The following DCLK1 variants were observed in gnomAD, a reference collection of about 807,000 sequenced individuals.
DCLK1 encodes the protein serine/threonine-protein kinase DCLK1.
In DCLK1, 16 loss-of-function variants were observed where a neutral mutation model predicts 86.2. The observed-to-expected ratio is 0.19, with a 90% confidence interval of 0.13 to 0.28. The LOEUF (loss-of-function observed/expected upper bound fraction) is 0.28. Ranked by LOEUF, DCLK1 falls within the 10% of genes least tolerant of loss-of-function variation. The pLI is 1.00. For missense variants in DCLK1, 590 were observed against 940.2 expected (o/e 0.63, Z 4.87); for synonymous variants, 369 against 370.5 (o/e 1.00, Z 0.05).
chr13:36,064,176 C>A (rs1883660807), intron 3 of DCLK1, among the ~76,000 whole-genome samples: 1 of 152,168 alleles, frequency 6.6e-6, no homozygotes, highest in African/African-American at 2.4e-5. Flanking sequence ...TTGAATTTAA[C>A]ACATCAGGCA....
intron 16 of DCLK1, among the ~76,000 whole-genome samples, 177 bp from the exon 17 acceptor site, chr13:35,774,876 C>G (rs1341434350): frequency 6.6e-6 from 1 of 152,160 alleles, no homozygotes; most frequent in Non-Finnish European, 1.5e-5. Flanking sequence ...CCCCACAAAT[C>G]CAGGTCTTTA....
chr13:35,948,699 A>T (rs900439296), intron 3 of DCLK1, among the ~76,000 whole-genome samples: 2 of 152,196 alleles, frequency 1.3e-5, no homozygotes, highest in African/African-American at 4.8e-5. Context: ...TTTAAAATGG[A>T]ATTTCTATAA....
At chr13:35,797,365 C>A (rs552658494) in intron 15 of DCLK1, among the ~76,000 whole-genome samples, 1 of 152,336 alleles carries the variant, frequency 6.6e-6, no homozygotes, top group African/African-American at 2.4e-5. Context: ...TAGGAGTTTG[C>A]TCTCCAGCCA....
Position 35,966,933 on chromosome 13 carries a change from A to G in DCLK1, c.724-19476T>C, listed in dbSNP as rs377174302. On this transcript the variant is annotated intron_variant, in intron 3 of 16. Coordinates refer to ENST00000360631, the MANE Select transcript of DCLK1 (RefSeq NM_001330071.2). ...CCTCTGCCCGGCCGCCACCCCGTCT[A>G]GGAAGTGAGGAGCGTCTCTGCCTGG... Among the ~76,000 whole-genome samples, 900 of 149,344 alleles carry G rather than the reference A, an allele frequency of 6.0e-3. 15 individuals carry two copies. The highest frequency in any genetic ancestry group is 0.021 in the African/African-American group (860 of 40,560).
At chr13:36,120,481 T>C (rs1885947168) in intron 2 of DCLK1, among the ~76,000 whole-genome samples, 1 of 152,150 alleles carries the variant, frequency 6.6e-6, no homozygotes, top group South Asian at 2.1e-4. Context: ...CTATACCATA[T>C]AGCCTAGGTG....
At chr13:36,064,391 C>T (rs1005505033) in intron 3 of DCLK1, among the ~76,000 whole-genome samples, 1 of 151,998 alleles carries the variant, frequency 6.6e-6, no homozygotes, top group Non-Finnish European at 1.5e-5. Flanking sequence ...GTGGGCGTGG[C>T]GGCTCATGCC....
chr13:36,058,955 T>C (rs1265570198), intron 3 of DCLK1, among the ~76,000 whole-genome samples: 2 of 152,194 alleles, frequency 1.3e-5, no homozygotes, highest in Non-Finnish European at 2.9e-5. Context: ...CAATTGACAT[T>C]CGTGGCCAAA....
intron 5 of DCLK1, chr13:35,855,594 A>G: frequency 6.4e-7 from 1 of 1,561,114 alleles, no homozygotes; most frequent in South Asian, 1.2e-5. Context: ...TAAGCCAAGC[A>G]CCCGCGGAAA....
intron 1 of DCLK1, 58 bp downstream of exon 1, chr13:36,131,056 G>C (rs1376572178): frequency 6.7e-6 from 1 of 150,206 alleles, no homozygotes; most frequent in Non-Finnish European, 1.5e-5. Context: ...CGGGCTCTGC[G>C]GAGTCCCCCG....
intron 3 of DCLK1, among the ~76,000 whole-genome samples, chr13:36,098,517 T>C (rs1191707139): frequency 6.6e-6 from 1 of 152,194 alleles, no homozygotes; most frequent in Non-Finnish European, 1.5e-5. Context: ...GAGAGAGATT[T>C]GCAATTATTT....
intron 6 of DCLK1, among the ~76,000 whole-genome samples, chr13:35,839,784 C>A (rs974271733): frequency 2.1e-4 from 12 of 57,568 alleles, no homozygotes; most frequent in Admixed American, 8.3e-4. Flanking sequence ...AAAGCCTAGG[C>A]CTTGTAATTT....
chr13:36,059,019 A>C (rs1883439487), intron 3 of DCLK1, among the ~76,000 whole-genome samples: 1 of 152,174 alleles, frequency 6.6e-6, no homozygotes. Context: ...AAAAAATTCC[A>C]CCTGCAAAAC....
chr13:36,056,893 C>CAAAAAA (rs766434117), intron 3 of DCLK1, among the ~76,000 whole-genome samples: 31 of 101,368 alleles, frequency 3.1e-4, no homozygotes, highest in African/African-American at 9.2e-4. Flanking sequence ...AAGACTGTGA[C>CAAAAAA]AAAAAAAAAA....
At chr13:36,007,502 G>A (rs1189795548) in intron 3 of DCLK1, among the ~76,000 whole-genome samples, 1 of 152,158 alleles carries the variant, frequency 6.6e-6, no homozygotes, top group Admixed American at 6.5e-5. Context: ...AAATATCTTG[G>A]GGTTGTGAGT....
chr13:35,926,696 A>T (rs1178123197), intron 4 of DCLK1, among the ~76,000 whole-genome samples: 1 of 152,230 alleles, frequency 6.6e-6, no homozygotes, highest in Non-Finnish European at 1.5e-5. Flanking sequence ...TTTGTCCATT[A>T]TATTACAGCC....
intron 10 of DCLK1, among the ~76,000 whole-genome samples, chr13:35,824,472 G>A (rs1275256356): frequency 6.6e-6 from 1 of 152,112 alleles, no homozygotes; most frequent in East Asian, 1.9e-4. Flanking sequence ...GAGCCACTGC[G>A]TCTGGCTCCT....
intron 3 of DCLK1, among the ~76,000 whole-genome samples, chr13:36,100,779 G>A (rs1232972225): frequency 6.6e-6 from 1 of 152,048 alleles, no homozygotes; most frequent in East Asian, 1.9e-4. Context: ...TAACCTCCCA[G>A]GCTGTGTTAT....
intron 3 of DCLK1, among the ~76,000 whole-genome samples, chr13:36,046,128 T>C (rs1882906328): frequency 6.6e-6 from 1 of 152,156 alleles, no homozygotes; most frequent in South Asian, 2.1e-4. Context: ...CTGGTTAGGA[T>C]GAACCTTTAC....
At chr13:35,832,063 C>T (rs1309506859) in intron 8 of DCLK1, among the ~76,000 whole-genome samples, 2 of 152,098 alleles carry the variant, frequency 1.3e-5, no homozygotes, top group Admixed American at 6.6e-5. Flanking sequence ...GAGGCCGAGG[C>T]AGGAGGATCA....
Sources: gnomAD v4.1 joint callset for allele counts (sites outside exome capture counted in the v4.1 genomes callset) on GRCh38, gnomAD v4.1.1 for gene constraint, MANE v1.5 for transcripts, NCBI Gene and HGNC (gene_info 2026-07-23, HGNC 2026-07-21) for gene names.